Variants in SHPK observed in about 807,000 individuals in gnomAD.
SHPK encodes sedoheptulokinase, also known as carbohydrate kinase-like protein.
A neutral mutation model predicts 46.3 loss-of-function variants in SHPK; 51 were observed. The observed-to-expected ratio is 1.10, with a 90% CI of 0.88 to 1.39. The LOEUF (loss-of-function observed/expected upper bound fraction) is 1.39, where lower values mean the gene tolerates loss of function less well. SHPK is among the 40% of genes most tolerant of loss of function. The pLI is 0.00. For synonymous variants in SHPK, 290 were observed against 273.9 expected (o/e 1.06, Z -0.58); for missense variants, 668 against 641.3 (o/e 1.04, Z -0.45).
At position 3,630,312 on chromosome 17, in the gene SHPK, G is replaced by C. The variant is rs147112235; in HGVS notation, c.203C>G (p.Ala68Gly). 1.6e-5 allele frequency: 26 copies of C among 1,613,262 alleles called. No homozygotes were observed. In the African/African-American group the frequency reaches 3.1e-4, roughly 19 times the overall value. The change falls in exon 2 of 7, where the codon GCC (alanine) becomes GGC (glycine). Residue 68 changes from alanine (A) to glycine (G), a missense_variant. Coordinates refer to ENST00000225519, the MANE Select transcript of SHPK (RefSeq NM_013276.4). ...AAGGGCAGCAAGGCACTCGTGTAGG[G>C]CTTGGAGGATTCTACTCACATCCTG... Reference protein sequence around the residue: ...REQDVSRILQALHECLAALPR... With the variant: ...REQDVSRILQGLHECLAALPR...
At chr17:3,614,262 C>G (rs564970512) in intron 6 of SHPK, among the ~76,000 whole-genome samples, 2 of 152,000 alleles carry the variant, frequency 1.3e-5, no homozygotes, top group African/African-American at 4.8e-5. Context: ...CAGTGGCTCA[C>G]GCCTGTAATC....
intron 6 of SHPK, among the ~76,000 whole-genome samples, chr17:3,612,102 C>T (rs576997891): frequency 2.0e-5 from 3 of 151,314 alleles, no homozygotes; most frequent in African/African-American, 7.2e-5. Flanking sequence ...CCATGCCCCG[C>T]CAGCTCTGCA....
At chr17:3,611,688 A>C (rs1353318262) in intron 6 of SHPK, among the ~76,000 whole-genome samples, 2 of 152,178 alleles carry the variant, frequency 1.3e-5, no homozygotes, top group Non-Finnish European at 1.5e-5. Flanking sequence ...TGCACAGGGC[A>C]CCTGAAATCC....
rs2075329446 is a variant in SHPK, at chr17:3,610,436, T to C, written c.*124A>G. 20 of 1,038,762 alleles carry C rather than the reference T, an allele frequency of 1.9e-5. No individual in the cohort carries two copies. The highest frequency in any genetic ancestry group is 2.5e-5 in the Non-Finnish European group (18 of 714,410). 64.3% of individuals were successfully genotyped at this position (1,038,762 alleles called of 1,614,324 possible). On this transcript the variant is annotated 3_prime_UTR_variant, in exon 7 of 7. Transcript: ENST00000225519. ...GTAAGTTCTTGGCCGAGATGGGACC[T>C]CACAACAAGCACTGCTTGAAAGCTG...
At chr17:3,621,531 TCCTC>T (rs1407149365) in intron 4 of SHPK, 119 bp from the exon 5 acceptor site, 18 of 866,380 alleles carry the variant, frequency 2.1e-5, no homozygotes, top group Non-Finnish European at 3.1e-5. Context: ...TCCTTTCCTT[TCCTC>T]CCTCCCTCCC....
chr17:3,610,432 G>T lies in SHPK; in HGVS notation c.*128C>A. Reference sequence around the variant, plus strand: ...GAAGGTAAGTTCTTGGCCGAGATGGGACCTCACAACAAGCACTGCTTGAAA... The same window carrying T: ...GAAGGTAAGTTCTTGGCCGAGATGGTACCTCACAACAAGCACTGCTTGAAA... On this transcript the variant is annotated 3_prime_UTR_variant, in exon 7 of 7. Transcript: ENST00000225519. The T allele has an allele frequency of 1.0e-6, 1 of 975,604 alleles. No homozygotes were observed. Among genetic ancestry groups the T allele is most frequent in the Non-Finnish European group, 1.5e-6 (1 of 657,350 alleles). The allele number at this position is 975,604 out of a possible 1,614,324, so 60.4% of individuals were successfully genotyped here.
Position 3,623,504 on chromosome 17 carries a change from C to T in SHPK, c.495-13G>A. On this transcript the variant is annotated splice_polypyrimidine_tract_variant and intron_variant, in intron 3 of 6. Coordinates refer to ENST00000225519, the MANE Select transcript of SHPK (RefSeq NM_013276.4). Reference sequence around the variant, plus strand: ...CAGGAACTCTGGGCTGTTTTTCATACCAAAAACAACCAACACGGTATAACA... The same window carrying T: ...CAGGAACTCTGGGCTGTTTTTCATATCAAAAACAACCAACACGGTATAACA... 1 of 1,612,876 alleles carries T rather than the reference C, an allele frequency of 6.2e-7. No homozygotes were observed. The highest frequency in any genetic ancestry group is 8.5e-7 in the Non-Finnish European group (1 of 1,179,124).
chr17:3,625,653 G>A (rs1358400646), intron 2 of SHPK, among the ~76,000 whole-genome samples: 1 of 152,164 alleles, frequency 6.6e-6, no homozygotes, highest in African/African-American at 2.4e-5. Flanking sequence ...GCAGTGGGCT[G>A]AGCCCTGCCC....
At chr17:3,619,388 C>T in intron 5 of SHPK, 2 of 1,548,932 alleles carry the variant, frequency 1.3e-6, no homozygotes, top group Non-Finnish European at 1.8e-6. Context: ...GATGATTCAT[C>T]TTCTCTGCTT....
At chr17:3,613,802 C>T (rs569488983) in intron 6 of SHPK, among the ~76,000 whole-genome samples, 5 of 152,210 alleles carry the variant, frequency 3.3e-5, no homozygotes, top group East Asian at 3.9e-4. Context: ...TCAAGCAATC[C>T]TCCCGCCTCG....
At chr17:3,635,391 A>G (rs1050986664) in intron 1 of SHPK, among the ~76,000 whole-genome samples, 6 of 147,772 alleles carry the variant, frequency 4.1e-5, no homozygotes, top group Non-Finnish European at 7.6e-5. Context: ...GCCCGCCACC[A>G]CGCCCCGCTA....
intron 4 of SHPK, among the ~76,000 whole-genome samples, chr17:3,622,323 C>A (rs1440060426): frequency 1.3e-5 from 2 of 152,132 alleles, no homozygotes; most frequent in Non-Finnish European, 2.9e-5. Context: ...AGAAAACAAA[C>A]AACATAGGCA....
Position 3,621,381 on chromosome 17 carries a change from G to GCT in SHPK, c.678_679insAG (p.Leu227SerfsTer116). 2 of 1,614,116 alleles carry GCT rather than the reference G, an allele frequency of 1.2e-6. No homozygotes were observed. Among genetic ancestry groups the GCT allele is most frequent in the Non-Finnish European group, 1.7e-6 (2 of 1,179,976 alleles). On this transcript the variant is annotated frameshift_variant, in exon 5 of 7. Coordinates refer to ENST00000225519, the MANE Select transcript of SHPK (RefSeq NM_013276.4). LOFTEE classifies it high-confidence loss of function. ...CTGCCAGGCTCGGCGATGTCTGGGAGCAGGTGGACAGGAAAACCCGAGCTC... is the reference window on the plus strand; with the variant it reads ...CTGCCAGGCTCGGCGATGTCTGGGAGCTCAGGTGGACAGGAAAACCCGAGCTC...
intron 6 of SHPK, among the ~76,000 whole-genome samples, chr17:3,613,622 G>A (rs150618979): frequency 0.014 from 2,110 of 152,272 alleles, 41 homozygotes; most frequent in East Asian, 0.07. Flanking sequence ...GCCCGCCTCA[G>A]CCTCCCAAAG....
At position 3,636,222 on chromosome 17, in the gene SHPK, T is replaced by C. The variant is rs774038642; in HGVS notation, c.-3A>G. ...AGGGTGATCGGCCGCGCAGCCATTA[T>C]CTCCCTGACCCGCGCAGCTCCAGTC... On this transcript the variant is annotated 5_prime_UTR_variant, in exon 1 of 7. Coordinates refer to ENST00000225519, the MANE Select transcript of SHPK (RefSeq NM_013276.4). 6 of 1,600,200 alleles carry C rather than the reference T, an allele frequency of 3.7e-6. No individual in the cohort carries two copies. In the African/African-American group the frequency reaches 4.0e-5, roughly 11 times the overall value.
intron 2 of SHPK, among the ~76,000 whole-genome samples, chr17:3,625,768 C>G (rs1044049483): frequency 1.3e-5 from 2 of 152,182 alleles, no homozygotes; most frequent in Non-Finnish European, 2.9e-5. Context: ...AAATACTACT[C>G]CTGGTCAGGC....
At chr17:3,634,381 C>T (rs1360869631) in intron 1 of SHPK, among the ~76,000 whole-genome samples, 1 of 151,720 alleles carries the variant, frequency 6.6e-6, no homozygotes. Context: ...ACCAGCCTTG[C>T]CAACATGGTG....
chr17:3,636,114 C>G lies in SHPK; in HGVS notation c.106G>C (p.Ala36Pro). ...PDDPSGFAVL[A>P]SCARAARAEA... The stretch of plus-strand genomic sequence containing the variant: ...GCCCGCGCAGCACGGGCACAGCTCG[C>G]CAGCACTGCGAACCCGGATGGGTCG... The change falls in exon 1 of 7, where the codon GCG becomes CCG. Residue 36 changes from alanine (A) to proline (P), a missense_variant. Transcript: ENST00000225519. 1 of 1,608,830 alleles carries G rather than the reference C, an allele frequency of 6.2e-7. No homozygotes were observed. The highest frequency in any genetic ancestry group is 1.1e-5 in the South Asian group (1 of 90,292).
intron 2 of SHPK, among the ~76,000 whole-genome samples, chr17:3,626,721 CAA>C (rs59861502): frequency 0.23 from 24,463 of 106,500 alleles, 2,132 homozygotes; most frequent in East Asian, 0.37. Flanking sequence ...GACTCCATCT[CAA>C]AAAAAAAAAA....
Sources: allele counts gnomAD v4.1 joint callset (sites outside exome capture counted in the v4.1 genomes callset), GRCh38; gene constraint gnomAD v4.1.1; transcripts MANE v1.5; gene names NCBI Gene and HGNC (gene_info 2026-07-23, HGNC 2026-07-21).